Variants in TUSC3 observed in about 807,000 individuals in gnomAD.
TUSC3 encodes dolichyl-diphosphooligosaccharide--protein glycosyltransferase subunit TUSC3.
In TUSC3, 45 loss-of-function variants were observed where a neutral mutation model predicts 44.8. The observed-to-expected ratio is 1.00, with a 90% CI of 0.79 to 1.29. The LOEUF is 1.29. Among genes scored for constraint, TUSC3 ranks in the 50% most tolerant of loss-of-function variants. The probability of loss-of-function intolerance (pLI) is 0.00; values close to 1 mark genes in which losing one functional copy is unlikely to be tolerated. For synonymous variants in TUSC3, 212 were observed against 152.9 expected (o/e 1.39, Z -2.85); for missense variants, 519 against 437.9 (o/e 1.19, Z -1.65).
At chr8:15,507,601 A>G (rs1035396973) in intron 2 of TUSC3, among the ~76,000 whole-genome samples, 1 of 152,158 alleles carries the variant, frequency 6.6e-6, no homozygotes, top group Non-Finnish European at 1.5e-5. Flanking sequence ...AGTCAAAAGA[A>G]TCTATAAAGA....
At chr8:15,457,447 A>G (rs74395561) in intron 1 of TUSC3, among the ~76,000 whole-genome samples, 1,885 of 151,886 alleles carry the variant, frequency 0.012, 40 homozygotes, top group African/African-American at 0.043. Flanking sequence ...AAACTATTTC[A>G]TAACACTTTC....
At chr8:15,489,090 C>T (rs757543811) in intron 2 of TUSC3, among the ~76,000 whole-genome samples, 23 of 152,072 alleles carry the variant, frequency 1.5e-4, no homozygotes, top group Admixed American at 1.1e-3. Flanking sequence ...TCAAGAGGTC[C>T]TGAAAACATG....
At chr8:15,510,208 C>G (rs1347330357) in intron 2 of TUSC3, among the ~76,000 whole-genome samples, 1 of 151,494 alleles carries the variant, frequency 6.6e-6, no homozygotes, top group Non-Finnish European at 1.5e-5. Context: ...CAAATTAAAG[C>G]CAAAAGAAGG....
chr8:15,779,829 A>G, the TUSC3 span, among the ~76,000 whole-genome samples: 1 of 152,214 alleles, frequency 6.6e-6, no homozygotes, highest in African/African-American at 2.4e-5. Context: ...TCACCAAACT[A>G]GGCAGAAGGG....
At chr8:15,517,983 C>CAAA (rs34752261) in intron 2 of TUSC3, among the ~76,000 whole-genome samples, 1 of 150,042 alleles carries the variant, frequency 6.7e-6, no homozygotes, top group Non-Finnish European at 1.5e-5. Context: ...CAAGAACAAA[C>CAAA]AAAAAAAAAC....
chr8:15,490,053 C>T lies in TUSC3; in HGVS notation n.189+6570C>T, dbSNP rs117318786. 2.9e-3 allele frequency among the ~76,000 whole-genome samples: 436 copies of T among 152,254 alleles called. 1 individual carries two copies. The highest frequency in any genetic ancestry group is 7.9e-3 in the Admixed American group (121 of 15,294). ...CTAGCAGTGAGGCTTTAATCAAGAACATGGTGTCCTTAAGTATGTAAAACA... is the reference window on the plus strand; with the variant it reads ...CTAGCAGTGAGGCTTTAATCAAGAATATGGTGTCCTTAAGTATGTAAAACA... On this transcript the variant is annotated intron_variant and non_coding_transcript_variant, in intron 2 of 5. Coordinates refer to the TUSC3 transcript ENST00000503191.
chr8:15,552,962 G>A (rs911473616), intron 1 of TUSC3, among the ~76,000 whole-genome samples: 30 of 151,676 alleles, frequency 2.0e-4, no homozygotes, highest in African/African-American at 7.2e-4. Context: ...TTCCAGAGTT[G>A]TTTAGGAGCC....
chr8:15,694,610 TCTTTTATCCG>T (rs1452027639), intron 6 of TUSC3, among the ~76,000 whole-genome samples: 3 of 152,072 alleles, frequency 2.0e-5, no homozygotes, highest in Non-Finnish European at 4.4e-5. Flanking sequence ...AGTTTTTTGT[TCTTTTATCCG>T]CTTTGATATC....
At chr8:15,768,996 C>T (rs1007650692), downstream of TUSC3, among the ~76,000 whole-genome samples, 1 of 152,080 alleles carries the variant, frequency 6.6e-6, no homozygotes, top group Non-Finnish European at 1.5e-5. Context: ...AATGGCCGTA[C>T]CGCCAAAAGT....
At chr8:15,832,696 C>T in the TUSC3 span, among the ~76,000 whole-genome samples, 2 of 152,138 alleles carry the variant, frequency 1.3e-5, no homozygotes, top group Non-Finnish European at 2.9e-5. Context: ...AAGGGCCTTA[C>T]ATAAGGGTAA....
At chr8:15,761,021 A>G (rs1051186151) in intron 10 of TUSC3, among the ~76,000 whole-genome samples, 1 of 152,156 alleles carries the variant, frequency 6.6e-6, no homozygotes, top group Non-Finnish European at 1.5e-5. Flanking sequence ...AAGGGCCATG[A>G]CTTTCAGTCA....
intron 1 of TUSC3, among the ~76,000 whole-genome samples, chr8:15,434,239 G>GT (rs149301917): frequency 6.6e-6 from 1 of 151,886 alleles, no homozygotes; most frequent in Non-Finnish European, 1.5e-5. Context: ...TTTGTACACT[G>GT]TTTTTTTGTG....
the TUSC3 span, among the ~76,000 whole-genome samples, chr8:15,825,195 C>T: frequency 8.5e-5 from 13 of 152,062 alleles, no homozygotes; most frequent in Non-Finnish European, 1.6e-4. Flanking sequence ...TATTAAGTAC[C>T]TACTATGTTT....
At chr8:15,718,734 A>G (rs1220438432) in intron 6 of TUSC3, among the ~76,000 whole-genome samples, 1 of 152,040 alleles carries the variant, frequency 6.6e-6, no homozygotes, top group Non-Finnish European at 1.5e-5. Flanking sequence ...ATTTTATTTG[A>G]AGTTCATATA....
chr8:15,616,346 G>A (rs1480230855), intron 1 of TUSC3, among the ~76,000 whole-genome samples: 1 of 152,216 alleles, frequency 6.6e-6, no homozygotes, highest in African/African-American at 2.4e-5. Context: ...GGGAGGCCAT[G>A]GCGGGTGGAT....
At chr8:15,542,183 G>T (rs749554187) in intron 1 of TUSC3, among the ~76,000 whole-genome samples, 2 of 152,040 alleles carry the variant, frequency 1.3e-5, no homozygotes, top group Non-Finnish European at 2.9e-5. Flanking sequence ...CAACTCAAAG[G>T]GGGAGGGGCA....
At chr8:15,437,569 T>G (rs990639086) in intron 1 of TUSC3, among the ~76,000 whole-genome samples, 3 of 152,206 alleles carry the variant, frequency 2.0e-5, no homozygotes, top group African/African-American at 2.4e-5. Context: ...ATTAAGAAAC[T>G]GTAGTGCAGA....
Position 15,650,906 on chromosome 8 carries a change from T to A in TUSC3, c.426+92T>A, listed in dbSNP as rs1158698704. On this transcript the variant is annotated intron_variant, in intron 3 of 10. Transcript: ENST00000503731. ...ACATAAAAATACAATTCATTCATCG[T>A]CTGAACCTGGGAGGCGGAGGTTGCA... The A allele has an allele frequency of 4.3e-6, 6 of 1,384,356 alleles. No individual in the cohort carries two copies. The Admixed American group carries it at 8.4e-5, about 19-fold the overall frequency. The allele number at this position is 1,384,356 out of a possible 1,614,324, so 85.8% of individuals were successfully genotyped here.
At chr8:15,635,695 G>A (rs781579624) in intron 2 of TUSC3, among the ~76,000 whole-genome samples, 6 of 152,162 alleles carry the variant, frequency 3.9e-5, no homozygotes, top group East Asian at 1.9e-4. Context: ...GAACAGATGC[G>A]TATGATGCCT....
Sources: gnomAD v4.1 joint callset for allele counts (sites outside exome capture counted in the v4.1 genomes callset) on GRCh38, gnomAD v4.1.1 for gene constraint, MANE v1.5 for transcripts, NCBI Gene and HGNC (gene_info 2026-07-23, HGNC 2026-07-21) for gene names.